ADK: variants seen among roughly 807,000 people sequenced by gnomAD.
ADK encodes adenosine kinase, also known as N6,N6-dimethyladenosine kinase.
In ADK, 24 loss-of-function variants were observed where a neutral mutation model predicts 44.7. The ratio of observed to expected loss-of-function variants is 0.54; its 90% confidence interval spans 0.39 to 0.76. The LOEUF (loss-of-function observed/expected upper bound fraction) is 0.76, where lower values mean the gene tolerates loss of function less well. ADK is among the 30% of genes least tolerant of loss of function. The probability of loss-of-function intolerance (pLI) is 0.00; values close to 1 mark genes in which losing one functional copy is unlikely to be tolerated. For synonymous variants in ADK, 128 were observed against 142.6 expected (o/e 0.90, Z 0.73); for missense variants, 321 against 425.1 (o/e 0.76, Z 2.15).
intron 6 of ADK, among the ~76,000 whole-genome samples, chr10:74,490,555 C>T (rs1414981587): frequency 6.6e-6 from 1 of 151,920 alleles, no homozygotes; most frequent in African/African-American, 2.4e-5. Context: ...AGTTTAGGAG[C>T]CTATATTAAG....
At chr10:74,455,099 A>G (rs914451563) in intron 6 of ADK, among the ~76,000 whole-genome samples, 2 of 152,202 alleles carry the variant, frequency 1.3e-5, no homozygotes, top group Non-Finnish European at 2.9e-5. Context: ...AACCGTGCCT[A>G]TAGGAATGAT....
intron 10 of ADK, among the ~76,000 whole-genome samples, chr10:74,673,822 G>A (rs141223701): frequency 3.9e-5 from 6 of 152,282 alleles, no homozygotes; most frequent in African/African-American, 9.6e-5. Flanking sequence ...TCAACAGGAA[G>A]GGGAGCTGAA....
intron 6 of ADK, among the ~76,000 whole-genome samples, chr10:74,483,012 C>G (rs932535442): frequency 2.0e-5 from 3 of 152,172 alleles, no homozygotes; most frequent in African/African-American, 2.4e-5. Flanking sequence ...CCTCTTCTCA[C>G]CATTCCAATA....
intron 8 of ADK, among the ~76,000 whole-genome samples, 186 bp downstream of exon 8, chr10:74,589,503 A>G (rs150778295): frequency 3.9e-4 from 59 of 152,256 alleles, no homozygotes; most frequent in South Asian, 1.0e-3. Flanking sequence ...GCACTCTGCT[A>G]GGTCTGCACC....
chr10:74,526,891 A>G (rs749093818), intron 7 of ADK, among the ~76,000 whole-genome samples: 6 of 152,244 alleles, frequency 3.9e-5, no homozygotes, highest in Admixed American at 6.5e-5. Context: ...GAAAAGTGCT[A>G]TTCAAGCCTT....
rs147845210 is a variant in ADK, at chr10:74,404,793, A to C, written c.555+6214A>C. On this transcript the variant is annotated intron_variant, in intron 6 of 10. Transcript: ENST00000539909. Reference sequence around the variant, plus strand: ...CTTTTGAGGCATGGAGATCAAGATTAGCCTAGGCAACATAGTGAGACCCCA... The same window carrying C: ...CTTTTGAGGCATGGAGATCAAGATTCGCCTAGGCAACATAGTGAGACCCCA... 2.2e-3 allele frequency among the ~76,000 whole-genome samples: 333 copies of C among 152,306 alleles called. 2 individuals carry two copies. The highest frequency in any genetic ancestry group is 7.6e-3 in the African/African-American group (315 of 41,580).
At chr10:74,439,586 C>T (rs1442527014) in intron 6 of ADK, among the ~76,000 whole-genome samples, 4 of 152,052 alleles carry the variant, frequency 2.6e-5, no homozygotes, top group Non-Finnish European at 5.9e-5. Flanking sequence ...AAGATTTCAT[C>T]CTTTTTGTTG....
intron 6 of ADK, among the ~76,000 whole-genome samples, chr10:74,422,522 G>C (rs1178894258): frequency 6.6e-6 from 1 of 152,196 alleles, no homozygotes; most frequent in African/African-American, 2.4e-5. Flanking sequence ...ATGTACCACA[G>C]TAATGTAAGA....
intron 10 of ADK, among the ~76,000 whole-genome samples, chr10:74,697,778 A>G (rs748576668): frequency 6.6e-6 from 1 of 152,192 alleles, no homozygotes; most frequent in African/African-American, 2.4e-5. Context: ...TAGCTCTTCT[A>G]TAGTAACTAC....
chr10:74,262,427 T>G (rs1846072603), intron 3 of ADK, among the ~76,000 whole-genome samples: 1 of 152,144 alleles, frequency 6.6e-6, no homozygotes, highest in Admixed American at 6.5e-5. Flanking sequence ...ATCTTATTAC[T>G]TTCTCTGAGA....
At chr10:74,193,632 A>G (rs539884042) in intron 1 of ADK, among the ~76,000 whole-genome samples, 1 of 152,206 alleles carries the variant, frequency 6.6e-6, no homozygotes, top group African/African-American at 2.4e-5. Context: ...TAAAAAGAAA[A>G]AAATTAACTG....
intron 1 of ADK, among the ~76,000 whole-genome samples, chr10:74,160,562 AC>A (rs1841861436): frequency 1.3e-5 from 2 of 152,194 alleles, no homozygotes; most frequent in Admixed American, 6.5e-5. Flanking sequence ...TCTGGGGCTT[AC>A]CTGCCCTGCA....
rs1554836801 is a variant in ADK at position 74,274,732 on chromosome 10, G to GTGTATATATA, written c.195-39934_195-39933insGTATATATAT. On this transcript the variant is annotated intron_variant, in intron 3 of 10. Transcript: ENST00000539909. The stretch of plus-strand genomic sequence containing the variant: ...TAGTAGGAGAAAAATTTTAATGTGT[G>GTGTATATATA]TATATATATATATATACACACACAC... Among the ~76,000 whole-genome samples the GTGTATATATA allele has an allele frequency of 4.8e-3, 407 of 84,194 alleles. 27 individuals carry two copies. Among genetic ancestry groups the GTGTATATATA allele is most frequent in the African/African-American group, 0.017 (380 of 23,008 alleles). The allele number at this position is 84,194 out of a possible 152,430, so 55.2% of individuals were successfully genotyped here.
intron 3 of ADK, among the ~76,000 whole-genome samples, chr10:74,262,366 T>C (rs1313791061): frequency 6.6e-6 from 1 of 151,704 alleles, no homozygotes; most frequent in Non-Finnish European, 1.5e-5. Flanking sequence ...CTTTTTTGCA[T>C]GTACTTTTAT....
At chr10:74,410,775 G>A (rs1844147738) in intron 6 of ADK, among the ~76,000 whole-genome samples, 1 of 152,032 alleles carries the variant, frequency 6.6e-6, no homozygotes, top group Admixed American at 6.6e-5. Flanking sequence ...AATCTATACT[G>A]TTACAATAAG....
At chr10:74,564,775 TAA>T (rs113226516) in intron 7 of ADK, among the ~76,000 whole-genome samples, 4,691 of 152,232 alleles carry the variant, frequency 0.031, 211 homozygotes, top group African/African-American at 0.095. Context: ...GAATTAAATA[TAA>T]GTCATTTTGG....
At chr10:74,356,288 G>T (rs1032209970) in intron 4 of ADK, among the ~76,000 whole-genome samples, 1 of 151,864 alleles carries the variant, frequency 6.6e-6, no homozygotes, top group African/African-American at 2.4e-5. Context: ...AAAGTGCTGG[G>T]ATTACAGGCG....
intron 7 of ADK, among the ~76,000 whole-genome samples, chr10:74,587,737 GT>G (rs201515084): frequency 1.1e-3 from 158 of 138,754 alleles, no homozygotes; most frequent in East Asian, 2.8e-3. Context: ...GTTGTCTGCA[GT>G]TTTTTTTTTT....
intron 6 of ADK, among the ~76,000 whole-genome samples, chr10:74,412,856 G>A (rs1411771652): frequency 1.3e-5 from 2 of 152,078 alleles, no homozygotes; most frequent in Non-Finnish European, 2.9e-5. Flanking sequence ...TCAGGAATTC[G>A]AGACCAGCCT....
Sources: gnomAD v4.1 joint callset for allele counts (sites outside exome capture counted in the v4.1 genomes callset) on GRCh38, gnomAD v4.1.1 for gene constraint, MANE v1.5 for transcripts, NCBI Gene and HGNC (gene_info 2026-07-23, HGNC 2026-07-21) for gene names.